NT5E: variants seen among roughly 807,000 people sequenced by gnomAD.
The protein encoded by NT5E is 5'-nucleotidase ecto.
A neutral mutation model predicts 55.1 loss-of-function variants in NT5E; 53 were observed. That is an observed-to-expected ratio of 0.96 (90% CI 0.77 to 1.21). The LOEUF is 1.21. NT5E is among the 50% of genes most tolerant of loss of function. The pLI is 0.00. For missense variants in NT5E, 683 were observed against 724.3 expected (o/e 0.94, Z 0.65); for synonymous variants, 270 against 278.4 (o/e 0.97, Z 0.30).
chr6:85,467,035 T>G (rs764454044), intron 1 of NT5E, 25 bp from the exon 2 acceptor site: 1 of 1,600,300 alleles, frequency 6.2e-7, no homozygotes, highest in Admixed American at 1.7e-5. Flanking sequence ...CACCTAATTC[T>G]TTTTCTCTTT....
At position 85,452,998 on chromosome 6, in the gene NT5E, G is replaced by A. The variant is rs571701423; in HGVS notation, c.339+2520G>A. Among the ~76,000 whole-genome samples, 11 of 152,236 alleles carry A rather than the reference G, an allele frequency of 7.2e-5. No homozygotes were observed. The East Asian group carries it at 2.1e-3, about 29-fold the overall frequency. The stretch of plus-strand genomic sequence containing the variant: ...TTCCTAGAATCCAGCTAAAACACAG[G>A]AGTCCCCTCGAGCAGGAACTTCCAA... On this transcript the variant is annotated intron_variant, in intron 1 of 8. Coordinates refer to ENST00000257770, the MANE Select transcript of NT5E (RefSeq NM_002526.4).
At position 85,450,899 on chromosome 6, in the gene NT5E, G is replaced by A. The variant is rs1768841632; in HGVS notation, c.339+421G>A. 6.6e-6 allele frequency among the ~76,000 whole-genome samples: 1 copy of A among 152,156 alleles called. No homozygotes were observed. Among genetic ancestry groups the A allele is most frequent in the Non-Finnish European group, 1.5e-5 (1 of 68,028 alleles). ...TCTCAATCTTATTGAAAGGGAAACC[G>A]CGTCGAAGAAGCTGAATAAATTAAC... is the stretch of plus-strand genomic sequence containing the variant. On this transcript the variant is annotated intron_variant, in intron 1 of 8. Coordinates refer to ENST00000257770, the MANE Select transcript of NT5E (RefSeq NM_002526.4). This position sits in a 1 kb window ranked among gnomAD's most constrained non-coding sequence, Gnocchi z 4.0.
At position 85,487,296 on chromosome 6, in the gene NT5E, G is replaced by C. The variant is rs371448351; in HGVS notation, c.950-39G>C. On this transcript the variant is annotated intron_variant, in intron 4 of 8. Coordinates refer to ENST00000257770, the MANE Select transcript of NT5E (RefSeq NM_002526.4). ...CCTTTTCCAGAATTTAGCCCAGTGT[G>C]AGATTTAATTGTAGGGTACCTTCTT... is the stretch of plus-strand genomic sequence containing the variant. 5 of 1,565,992 alleles carry C rather than the reference G, an allele frequency of 3.2e-6. No homozygotes were observed. In the African/African-American group the frequency reaches 5.4e-5, roughly 17 times the overall value.
intron 1 of NT5E, among the ~76,000 whole-genome samples, chr6:85,460,532 T>G (rs1769075467): frequency 6.6e-6 from 1 of 152,188 alleles, no homozygotes; most frequent in Non-Finnish European, 1.5e-5. Flanking sequence ...ACTTTTCTCT[T>G]TATCACATTT....
rs942049511 is a variant in NT5E, at chr6:85,487,432, C to G, written c.1047C>G (p.Ser349=). 1.1e-5 allele frequency: 17 copies of G among 1,614,042 alleles called. No individual in the cohort carries two copies. The highest frequency in any genetic ancestry group is 1.4e-5 in the Non-Finnish European group (16 of 1,180,014). The change falls in exon 5 of 9, where the codon TCC becomes TCG. Residue 349 remains serine, a synonymous_variant. Transcript: ENST00000257770. ...LGKTIVYLDG[S]SQSCRFRECN... is the part of the protein sequence containing the mutation. ...AAACAATTGTCTATCTGGATGGCTC[C>G]TCTCAATCATGCCGCTTTAGAGAAT... is the stretch of plus-strand genomic sequence containing the variant.
At chr6:85,458,842 C>T (rs1350795877) in intron 1 of NT5E, among the ~76,000 whole-genome samples, 1 of 152,174 alleles carries the variant, frequency 6.6e-6, no homozygotes, top group Non-Finnish European at 1.5e-5. Context: ...AGAATGCTGT[C>T]TATTTGGTAC....
At chr6:85,483,645 A>G (rs1199043507) in intron 3 of NT5E, among the ~76,000 whole-genome samples, 3 of 152,118 alleles carry the variant, frequency 2.0e-5, no homozygotes, top group African/African-American at 7.2e-5. Flanking sequence ...CTGCTTGTGA[A>G]GCGTTGGTAT....
At chr6:85,462,026 A>G in intron 1 of NT5E, among the ~76,000 whole-genome samples, 1 of 152,096 alleles carries the variant, frequency 6.6e-6, no homozygotes, top group Non-Finnish European at 1.5e-5. Flanking sequence ...GTGAAACACC[A>G]GAAGCCCCAT....
intron 3 of NT5E, among the ~76,000 whole-genome samples, chr6:85,474,530 A>C (rs1258798509): frequency 6.6e-6 from 1 of 152,240 alleles, no homozygotes; most frequent in African/African-American, 2.4e-5. Context: ...TGAGATAACT[A>C]ATACTTAGTC....
At chr6:85,478,043 A>G (rs112975163) in intron 3 of NT5E, among the ~76,000 whole-genome samples, 2 of 151,374 alleles carry the variant, frequency 1.3e-5, no homozygotes, top group Non-Finnish European at 2.9e-5. Context: ...AAAAAAAAAA[A>G]GGATTTTGCT....
chr6:85,468,474 C>A (rs1023590795), intron 2 of NT5E, among the ~76,000 whole-genome samples: 3 of 152,224 alleles, frequency 2.0e-5, no homozygotes, highest in African/African-American at 7.2e-5. Context: ...GTCAGAGTCA[C>A]AAGCTAGGAT....
Position 85,493,088 on chromosome 6 carries a change from G to C in NT5E, c.1562-753G>C, listed in dbSNP as rs548248044. On this transcript the variant is annotated intron_variant, in intron 8 of 8. Transcript: ENST00000257770. ...AGCCTAGACTGAAGGATGTTAGAGAGAGGAGCTCATGCAGAAGGCTAAGGA... is the reference window on the plus strand; with the variant it reads ...AGCCTAGACTGAAGGATGTTAGAGACAGGAGCTCATGCAGAAGGCTAAGGA... 1.8e-4 allele frequency among the ~76,000 whole-genome samples: 28 copies of C among 152,334 alleles called. No individual in the cohort carries two copies. The South Asian group carries it at 5.8e-3, about 32-fold the overall frequency.
chr6:85,468,998 A>G (rs1179694509), intron 2 of NT5E, among the ~76,000 whole-genome samples: 2 of 152,218 alleles, frequency 1.3e-5, no homozygotes, highest in Non-Finnish European at 2.9e-5. Flanking sequence ...GCTTCTTCCA[A>G]GACTACAGGC....
Position 85,452,017 on chromosome 6 carries a change from T to A in NT5E, c.339+1539T>A, listed in dbSNP as rs138251975. Among the ~76,000 whole-genome samples the A allele has an allele frequency of 5.5e-3, 842 of 152,306 alleles. 7 individuals are homozygous for A. The highest frequency in any genetic ancestry group is 0.02 in the African/African-American group (813 of 41,564). On this transcript the variant is annotated intron_variant, in intron 1 of 8. Transcript: ENST00000257770. ...CCTTCAGCCTTCAGAGTTGATGAGG[T>A]GGGGCTCACACACATCTGGATTTGA... is the stretch of plus-strand genomic sequence containing the variant.
chr6:85,473,507 T>C (rs549496412), intron 3 of NT5E, among the ~76,000 whole-genome samples: 5 of 152,306 alleles, frequency 3.3e-5, no homozygotes, highest in African/African-American at 1.2e-4. Context: ...CTCCCCCTTC[T>C]TCCTTTAGAA....
intron 3 of NT5E, among the ~76,000 whole-genome samples, chr6:85,484,412 CA>C (rs1258818795): frequency 6.6e-6 from 1 of 152,194 alleles, no homozygotes; most frequent in Admixed American, 6.5e-5. Flanking sequence ...CACCCTCCTG[CA>C]TACTCTCCAC....
chr6:85,486,924 T>A (rs977563722), intron 4 of NT5E, among the ~76,000 whole-genome samples: 1 of 152,182 alleles, frequency 6.6e-6, no homozygotes, highest in Non-Finnish European at 1.5e-5. Flanking sequence ...GGTGAGCCTG[T>A]AGTCACAACA....
At chr6:85,456,709 A>C (rs1047562503) in intron 1 of NT5E, among the ~76,000 whole-genome samples, 1 of 152,202 alleles carries the variant, frequency 6.6e-6, no homozygotes, top group South Asian at 2.1e-4. Context: ...GTGTGAGATG[A>C]TAACACCTGA....
chr6:85,464,067 A>ATTTTTTTTTTT (rs67527174), intron 1 of NT5E, among the ~76,000 whole-genome samples: 6 of 98,454 alleles, frequency 6.1e-5, no homozygotes, highest in African/African-American at 2.3e-4. Flanking sequence ...GTAGTTAGGA[A>ATTTTTTTTTTT]TTTTTTTTTT....
Sources: gnomAD v4.1 joint callset for allele counts (sites outside exome capture counted in the v4.1 genomes callset) on GRCh38, gnomAD v4.1.1 for gene constraint, Gnocchi (gnomAD v3.1) non-coding constraint, MANE v1.5 for transcripts, NCBI Gene and HGNC (gene_info 2026-07-23, HGNC 2026-07-21) for gene names.